KCNT2: variants seen among roughly 807,000 people sequenced by gnomAD.
The protein encoded by KCNT2 is potassium sodium-activated channel subfamily T member 2.
In KCNT2, 67 loss-of-function variants were observed where a neutral mutation model predicts 153.8. That is an observed-to-expected ratio of 0.44 (90% CI 0.36 to 0.53). The LOEUF (loss-of-function observed/expected upper bound fraction) is 0.53, where lower values mean the gene tolerates loss of function less well. Among genes scored for constraint, KCNT2 ranks in the 20% least tolerant of loss-of-function variants. KCNT2 has a pLI of 0.00. For missense variants in KCNT2, 975 were observed against 1,354.8 expected (o/e 0.72, Z 4.40); for synonymous variants, 500 against 458.8 (o/e 1.09, Z -1.15).
chr1:196,458,890 T>C (rs997396283), intron 8 of KCNT2, among the ~76,000 whole-genome samples: 3 of 151,934 alleles, frequency 2.0e-5, no homozygotes, highest in African/African-American at 7.2e-5. Flanking sequence ...AGCAATGGCA[T>C]TCTGTGCTGA....
intron 12 of KCNT2, among the ~76,000 whole-genome samples, chr1:196,407,719 G>C (rs1671946037): frequency 6.6e-6 from 1 of 151,350 alleles, no homozygotes; most frequent in East Asian, 1.9e-4. Flanking sequence ...GGAAATCACT[G>C]AGTGCTCAGT....
At chr1:196,275,100 T>G (rs1398164798) in intron 25 of KCNT2, among the ~76,000 whole-genome samples, 1 of 151,864 alleles carries the variant, frequency 6.6e-6, no homozygotes, top group Non-Finnish European at 1.5e-5. Context: ...AAGGTGACAT[T>G]TTGCCACTAA....
rs1008597488 is a variant in KCNT2 at position 196,504,999 on chromosome 1, A to G, written c.96-12658T>C. Among the ~76,000 whole-genome samples, 70 of 152,216 alleles carry G rather than the reference A, an allele frequency of 4.6e-4. 1 individual carries two copies. Among genetic ancestry groups the G allele is most frequent in the African/African-American group, 1.6e-3 (66 of 41,526 alleles). On this transcript the variant is annotated intron_variant, in intron 1 of 27. Transcript: ENST00000294725. Reference sequence around the variant, plus strand: ...CTGGATATTAGCCTTTTGTCAGATAAGTAGGTTGTGAAAATTTTCTCCCAT... The same window carrying G: ...CTGGATATTAGCCTTTTGTCAGATAGGTAGGTTGTGAAAATTTTCTCCCAT...
At chr1:196,525,170 A>G (rs1280105753) in intron 1 of KCNT2, among the ~76,000 whole-genome samples, 2 of 152,168 alleles carry the variant, frequency 1.3e-5, no homozygotes, top group African/African-American at 4.8e-5. Flanking sequence ...GAACAGGTAG[A>G]AAACGACCAC....
At chr1:196,328,977 TGTTGAGCTGATGTTTGGATC>T (rs1044843410) in intron 18 of KCNT2, among the ~76,000 whole-genome samples, 2 of 152,034 alleles carry the variant, frequency 1.3e-5, no homozygotes, top group African/African-American at 4.8e-5. Flanking sequence ...ACAAGAATAG[TGTTGAGCTGATGTTTGGATC>T]ATCAAGAATG....
chr1:196,345,781 A>G (rs1280249799), intron 14 of KCNT2, among the ~76,000 whole-genome samples: 1 of 152,176 alleles, frequency 6.6e-6, no homozygotes, highest in African/African-American at 2.4e-5. Flanking sequence ...AGAAAAATAT[A>G]TAACAATCTT....
At chr1:196,347,824 T>C (rs1044681625) in intron 14 of KCNT2, among the ~76,000 whole-genome samples, 5 of 152,154 alleles carry the variant, frequency 3.3e-5, no homozygotes, top group African/African-American at 9.6e-5. Context: ...TCTCTCTACC[T>C]CCTATGGCGT....
intron 26 of KCNT2, among the ~76,000 whole-genome samples, chr1:196,253,693 C>T (rs1397663188): frequency 6.6e-6 from 1 of 151,478 alleles, no homozygotes; most frequent in Non-Finnish European, 1.5e-5. Flanking sequence ...CAGTTGAGAA[C>T]ATAAATGATG....
At chr1:196,256,164 T>A (rs1198725671) in intron 26 of KCNT2, among the ~76,000 whole-genome samples, 2 of 151,948 alleles carry the variant, frequency 1.3e-5, no homozygotes, top group African/African-American at 4.8e-5. Flanking sequence ...TATTCCATGA[T>A]CATAAAGCAA....
chr1:196,464,323 AT>A (rs1269769946), intron 8 of KCNT2, among the ~76,000 whole-genome samples: 1 of 151,944 alleles, frequency 6.6e-6, no homozygotes, highest in African/African-American at 2.4e-5. Context: ...ATTTAAAAGC[AT>A]TAAGTATGCT....
At chr1:196,534,815 T>C (rs1208441981) in intron 1 of KCNT2, among the ~76,000 whole-genome samples, 1 of 152,196 alleles carries the variant, frequency 6.6e-6, no homozygotes, top group African/African-American at 2.4e-5. Context: ...CCAACTTCAC[T>C]GATACCTTTC....
In KCNT2 at chr1:196,227,079, TA is replaced by T. The variant is rs1205950758; in HGVS notation, c.*1144del. The T allele has an allele frequency of 1.3e-5, 2 of 152,038 alleles. No homozygotes were observed. The highest frequency in any genetic ancestry group is 4.8e-5 in the African/African-American group (2 of 41,458). The allele number at this position is 152,038 out of a possible 1,614,324, so 9.4% of individuals were successfully genotyped here. ...AACTCAAATTCTGCATGATTTGCAT[TA>T]ATGTTAAAAGCCAAGAACTACCTAT... On this transcript the variant is annotated 3_prime_UTR_variant, in exon 28 of 28. Coordinates refer to ENST00000294725, the MANE Select transcript of KCNT2 (RefSeq NM_198503.5).
At chr1:196,297,541 T>C (rs986864288) in intron 22 of KCNT2, among the ~76,000 whole-genome samples, 5 of 152,182 alleles carry the variant, frequency 3.3e-5, no homozygotes, top group African/African-American at 9.6e-5. Flanking sequence ...GACAAATTTA[T>C]ACATTAAGAT....
chr1:196,608,318 A>G lies in KCNT2; in HGVS notation c.-9T>C. ...CTCTCCAAATCAACCATCCTTCCTC[A>G]AAGAGTGGGAAACATCAAACAACAA... On this transcript the variant is annotated 5_prime_UTR_variant, in exon 1 of 28. The change abolishes the stop of an existing upstream ORF in the 5' untranslated region. Coordinates refer to ENST00000294725, the MANE Select transcript of KCNT2 (RefSeq NM_198503.5). The G allele has an allele frequency of 6.2e-7, 1 of 1,603,136 alleles. No homozygotes were observed. The highest frequency in any genetic ancestry group is 8.5e-7 in the Non-Finnish European group (1 of 1,169,968).
intron 1 of KCNT2, among the ~76,000 whole-genome samples, chr1:196,576,499 A>G (rs1416134129): frequency 2.0e-5 from 3 of 152,102 alleles, no homozygotes; most frequent in Non-Finnish European, 4.4e-5. Context: ...TCCTACATAA[A>G]TTATATAAAA....
At chr1:196,297,262 C>A (rs1660757985) in intron 22 of KCNT2, among the ~76,000 whole-genome samples, 1 of 151,918 alleles carries the variant, frequency 6.6e-6, no homozygotes. Flanking sequence ...CATAAAATTA[C>A]CACATTCTAA....
At chr1:196,350,245 C>T (rs530075846) in intron 14 of KCNT2, among the ~76,000 whole-genome samples, 19 of 152,140 alleles carry the variant, frequency 1.2e-4, no homozygotes, top group African/African-American at 2.9e-4. Flanking sequence ...CTGGGTCAAA[C>T]GGTATTTCTA....
rs185010692 is a variant in KCNT2, at chr1:196,552,366, C to T, written c.95+55849G>A. 4.0e-4 allele frequency among the ~76,000 whole-genome samples: 60 copies of T among 151,334 alleles called. No homozygotes were observed. In the Middle Eastern group the frequency reaches 0.02, roughly 51 times the overall value. ...TTTTCTAGGAGTCTTTATAATAGTG[C>T]ATGAAAACTAAAACATCCCTGTTTT... On this transcript the variant is annotated intron_variant, in intron 1 of 27. Coordinates refer to ENST00000294725, the MANE Select transcript of KCNT2 (RefSeq NM_198503.5).
At chr1:196,442,140 G>T (rs1352092011) in intron 8 of KCNT2, among the ~76,000 whole-genome samples, 1 of 151,706 alleles carries the variant, frequency 6.6e-6, no homozygotes, top group Non-Finnish European at 1.5e-5. Context: ...GAACAGTTCT[G>T]CTGGATCACC....
Sources: gnomAD v4.1 joint callset for allele counts (sites outside exome capture counted in the v4.1 genomes callset) on GRCh38, gnomAD v4.1.1 for gene constraint, MANE v1.5 for transcripts, NCBI Gene and HGNC (gene_info 2026-07-23, HGNC 2026-07-21) for gene names.